The following FOXN2 variants were observed in gnomAD, a reference collection of about 807,000 sequenced individuals.
The protein encoded by FOXN2 is forkhead box N2.
Under a neutral mutation model 41.2 loss-of-function variants are expected in FOXN2, and 19 were observed. The observed-to-expected ratio is 0.46, with a 90% CI of 0.32 to 0.68. The LOEUF (loss-of-function observed/expected upper bound fraction) is 0.68. FOXN2 is among the 30% of genes least tolerant of loss of function. The probability of loss-of-function intolerance (pLI) is 0.03; values close to 1 mark genes in which losing one functional copy is unlikely to be tolerated. For synonymous variants in FOXN2, 195 were observed against 176.8 expected (o/e 1.10, Z -0.82); for missense variants, 587 against 509.4 (o/e 1.15, Z -1.47).
intron 3 of FOXN2, 53 bp from the exon 4 acceptor site, chr2:48,358,994 G>A (rs950319708): frequency 1.6e-4 from 213 of 1,333,524 alleles, no homozygotes; most frequent in Non-Finnish European, 2.1e-4. Flanking sequence ...ACATTTAGAC[G>A]CTGACTGTTT....
intron 2 of FOXN2, among the ~76,000 whole-genome samples, chr2:48,334,298 A>G (rs1670198629): frequency 6.6e-6 from 1 of 152,222 alleles, no homozygotes; most frequent in Non-Finnish European, 1.5e-5. Context: ...TGTAGAATGT[A>G]TCCATTAATC....
At chr2:48,322,979 C>G (rs914221206) in intron 1 of FOXN2, among the ~76,000 whole-genome samples, 1 of 150,656 alleles carries the variant, frequency 6.6e-6, no homozygotes, top group East Asian at 1.9e-4. Context: ...TTATACTGTG[C>G]TAGGAATAAG....
At chr2:48,337,276 C>T (rs1432851579) in intron 2 of FOXN2, among the ~76,000 whole-genome samples, 10 of 150,804 alleles carry the variant, frequency 6.6e-5, no homozygotes, top group East Asian at 1.9e-4. Flanking sequence ...CATGTTGTTG[C>T]ATATGATTGG....
chr2:48,352,611 C>G (rs1193368501), intron 3 of FOXN2, among the ~76,000 whole-genome samples: 1 of 152,160 alleles, frequency 6.6e-6, no homozygotes, highest in African/African-American at 2.4e-5. Flanking sequence ...ATTATTAGAT[C>G]TGGAGGTATC....
intron 2 of FOXN2, among the ~76,000 whole-genome samples, chr2:48,337,588 G>A (rs1322138819): frequency 1.3e-5 from 2 of 152,050 alleles, no homozygotes; most frequent in Non-Finnish European, 2.9e-5. Flanking sequence ...TTACAGGTGT[G>A]AGCCACCACG....
chr2:48,338,293 A>G (rs572831119), intron 2 of FOXN2, among the ~76,000 whole-genome samples: 1 of 152,304 alleles, frequency 6.6e-6, no homozygotes, highest in South Asian at 2.1e-4. Flanking sequence ...CAAACAAAAA[A>G]CTGAGAAATG....
intron 4 of FOXN2, 48 bp downstream of exon 4, chr2:48,359,195 T>G (rs769462124): frequency 1.2e-5 from 16 of 1,322,068 alleles, no homozygotes; most frequent in Non-Finnish European, 1.5e-5. Flanking sequence ...AGGATTTCAC[T>G]GTGTGAGATG....
intron 4 of FOXN2, among the ~76,000 whole-genome samples, chr2:48,360,743 G>A (rs1304518854): frequency 6.6e-6 from 1 of 150,548 alleles, no homozygotes; most frequent in African/African-American, 2.4e-5. Context: ...GAAACTAATG[G>A]TGAGTTCTAC....
At chr2:48,347,828 C>T (rs1671213232) in intron 3 of FOXN2, among the ~76,000 whole-genome samples, 1 of 151,962 alleles carries the variant, frequency 6.6e-6, no homozygotes, top group Non-Finnish European at 1.5e-5. Flanking sequence ...TTGTGGGGTG[C>T]AGGTTTAGAA....
intron 5 of FOXN2, among the ~76,000 whole-genome samples, chr2:48,372,562 A>G (rs1374934234): frequency 6.6e-6 from 1 of 152,146 alleles, no homozygotes; most frequent in Non-Finnish European, 1.5e-5. Flanking sequence ...TATTCAGACT[A>G]GTATATCACC....
chr2:48,366,831 C>T (rs1016388525), intron 5 of FOXN2, among the ~76,000 whole-genome samples: 1 of 151,810 alleles, frequency 6.6e-6, no homozygotes, highest in African/African-American at 2.4e-5. Context: ...CTGACTCCTA[C>T]TAGATAAGTG....
chr2:48,371,235 T>A (rs561870858), intron 5 of FOXN2, among the ~76,000 whole-genome samples: 13 of 152,090 alleles, frequency 8.5e-5, no homozygotes, highest in Non-Finnish European at 1.8e-4. Context: ...CCATCTCTAC[T>A]AAAAACACAA....
intron 5 of FOXN2, among the ~76,000 whole-genome samples, chr2:48,367,816 C>T (rs1304005561): frequency 6.6e-6 from 1 of 152,126 alleles, no homozygotes; most frequent in Non-Finnish European, 1.5e-5. Context: ...CCAACAGGCA[C>T]AAATTAACAA....
intron 1 of FOXN2, among the ~76,000 whole-genome samples, chr2:48,319,640 G>T (rs1669159012): frequency 6.7e-6 from 1 of 148,308 alleles, no homozygotes; most frequent in Non-Finnish European, 1.5e-5. Flanking sequence ...TTGAGACAGG[G>T]TCACACTCAA....
chr2:48,362,319 A>G (rs1369947188), intron 4 of FOXN2, among the ~76,000 whole-genome samples: 1 of 152,228 alleles, frequency 6.6e-6, no homozygotes, highest in Non-Finnish European at 1.5e-5. Flanking sequence ...TAATTCCAGC[A>G]CTGTAGGAGG....
chr2:48,333,066 T>G (rs941294776), intron 2 of FOXN2, among the ~76,000 whole-genome samples: 3 of 152,318 alleles, frequency 2.0e-5, no homozygotes, highest in African/African-American at 7.2e-5. Context: ...CTCAAGTTTC[T>G]GCCCAATATC....
intron 5 of FOXN2, among the ~76,000 whole-genome samples, chr2:48,363,775 A>T (rs1672352635): frequency 6.6e-6 from 1 of 152,200 alleles, no homozygotes. Flanking sequence ...TGGTGTACAG[A>T]TTTGTAGCTC....
chr2:48,347,577 A>G (rs947350321), intron 3 of FOXN2, among the ~76,000 whole-genome samples: 6 of 150,456 alleles, frequency 4.0e-5, no homozygotes, highest in African/African-American at 1.2e-4. Context: ...CTTCAATTTT[A>G]TCTCTACTAT....
In FOXN2 at chr2:48,328,587, C is replaced by T. The variant is rs1182653841; in HGVS notation, c.-130C>T. ...TGGTTGAAGCCATGGATAACAGAACCCACAGATGCAGAGGGCTGACTGTAC... is the reference window on the plus strand; with the variant it reads ...TGGTTGAAGCCATGGATAACAGAACTCACAGATGCAGAGGGCTGACTGTAC... On this transcript the variant is annotated 5_prime_UTR_variant, in exon 2 of 7. Coordinates refer to ENST00000340553, the MANE Select transcript of FOXN2 (RefSeq NM_002158.4). 6.6e-6 allele frequency: 1 copy of T among 152,170 alleles called. No homozygotes were observed. Among genetic ancestry groups the T allele is most frequent in the Non-Finnish European group, 1.5e-5 (1 of 68,028 alleles). The allele number at this position is 152,170 out of a possible 1,614,324, so 9.4% of individuals were successfully genotyped here. A position where few individuals can be genotyped will look rare whatever the true frequency, so the allele number is the denominator to read the frequency against.
Sources: gnomAD v4.1 joint callset for allele counts (sites outside exome capture counted in the v4.1 genomes callset) on GRCh38, gnomAD v4.1.1 for gene constraint, MANE v1.5 for transcripts, NCBI Gene and HGNC (gene_info 2026-07-23, HGNC 2026-07-21) for gene names.